The following PTK2B variants were observed in gnomAD, a reference collection of about 807,000 sequenced individuals.
The protein encoded by PTK2B is protein tyrosine kinase 2 beta.
PTK2B carries 71 observed loss-of-function variants against 142.9 expected under a neutral mutation model. That is an observed-to-expected ratio of 0.50 (90% CI 0.41 to 0.61). The LOEUF (loss-of-function observed/expected upper bound fraction) is 0.61, where lower values mean the gene tolerates loss of function less well. PTK2B is among the 20% of genes least tolerant of loss of function. The pLI, the probability that PTK2B is intolerant of heterozygous loss-of-function variation, is 0.00. For missense variants in PTK2B, 1,105 were observed against 1,320.4 expected, an observed-to-expected ratio of 0.84 and a Z score of 2.53; for synonymous variants, 519 against 503.4, an observed-to-expected ratio of 1.03 and a Z score of -0.42.
chr8:27,439,220 C>T (rs1401601972), intron 19 of PTK2B, 89 bp downstream of exon 19: 39 of 1,564,590 alleles, frequency 2.5e-5, no homozygotes, highest in Non-Finnish European at 3.4e-5. Context: ...GTTGGACAGC[C>T]CAGGCTAAGG....
At chr8:27,394,081 A>G (rs542601559) in intron 1 of PTK2B, among the ~76,000 whole-genome samples, 1 of 152,158 alleles carries the variant, frequency 6.6e-6, no homozygotes, top group Non-Finnish European at 1.5e-5. Flanking sequence ...GCTCCTACAG[A>G]CCTGTACAGC....
intron 5 of PTK2B, among the ~76,000 whole-genome samples, chr8:27,428,614 G>A (rs754133018): frequency 1.3e-5 from 2 of 152,148 alleles, no homozygotes; most frequent in African/African-American, 4.8e-5. Flanking sequence ...AGGATTGGGG[G>A]TGGACTTCCT....
At chr8:27,428,797 A>T (rs192833381) in intron 5 of PTK2B, among the ~76,000 whole-genome samples, 1 of 152,348 alleles carries the variant, frequency 6.6e-6, no homozygotes, top group Admixed American at 6.5e-5. Context: ...TTAAGAGGTA[A>T]TTACTTATTT....
intron 2 of PTK2B, among the ~76,000 whole-genome samples, chr8:27,412,392 A>G (rs1809124025): frequency 6.6e-6 from 1 of 152,178 alleles, no homozygotes; most frequent in Non-Finnish European, 1.5e-5. Flanking sequence ...CCCACAGTGA[A>G]GGACAAAGGC....
intron 1 of PTK2B, among the ~76,000 whole-genome samples, chr8:27,346,044 A>G (rs1311332344): frequency 6.6e-6 from 1 of 152,148 alleles, no homozygotes; most frequent in Non-Finnish European, 1.5e-5. Context: ...TGTTTCTCCT[A>G]CTCAGATGTT....
chr8:27,434,611 G>T (rs1312899362), intron 13 of PTK2B, 52 bp downstream of exon 13: 2 of 1,552,928 alleles, frequency 1.3e-6, no homozygotes, highest in Non-Finnish European at 1.8e-6. Context: ...CCGTCTGCTT[G>T]CTCCCCACTG....
At chr8:27,371,545 T>TTATA (rs148359194) in intron 1 of PTK2B, among the ~76,000 whole-genome samples, 50,846 of 147,236 alleles carry the variant, frequency 0.35, 9,296 homozygotes, top group South Asian at 0.49. Context: ...TTTTTATTAT[T>TTATA]TATATATATA....
chr8:27,430,850 C>A (rs757878488), intron 7 of PTK2B, 26 bp from the exon 8 acceptor site: 2 of 1,609,082 alleles, frequency 1.2e-6, no homozygotes, highest in Non-Finnish European at 8.5e-7. Context: ...GCAGGCATTG[C>A]TCACACGGCC....
chr8:27,358,253 A>G (rs1444619511), intron 1 of PTK2B, among the ~76,000 whole-genome samples: 1 of 152,196 alleles, frequency 6.6e-6, no homozygotes, highest in African/African-American at 2.4e-5. Flanking sequence ...AGTTGAGTTG[A>G]CTGCTACACA....
intron 3 of PTK2B, among the ~76,000 whole-genome samples, chr8:27,318,605 G>C (rs1331933336): frequency 6.6e-6 from 1 of 152,120 alleles, no homozygotes; most frequent in African/African-American, 2.4e-5. Flanking sequence ...TGTGTCCTCT[G>C]TGGCAACCAT....
chr8:27,375,555 AG>A (rs567333011), intron 1 of PTK2B, among the ~76,000 whole-genome samples: 57 of 152,326 alleles, frequency 3.7e-4, no homozygotes, highest in African/African-American at 1.3e-3. Flanking sequence ...AGGAACATCC[AG>A]GTCCTAGAAT....
intron 1 of PTK2B, among the ~76,000 whole-genome samples, chr8:27,361,491 T>C (rs891476060): frequency 2.0e-5 from 3 of 152,190 alleles, no homozygotes; most frequent in Non-Finnish European, 4.4e-5. Flanking sequence ...CCCAAAGTGC[T>C]GGGATTACAG....
At chr8:27,380,181 G>A (rs557457707) in intron 1 of PTK2B, among the ~76,000 whole-genome samples, 14 of 152,228 alleles carry the variant, frequency 9.2e-5, no homozygotes, top group East Asian at 7.7e-4. Context: ...TCGGGGTCAC[G>A]TCTTTCTCTG....
Position 27,454,109 on chromosome 8 carries a change from C to A in PTK2B, c.2596-45C>A, listed in dbSNP as rs376662112. ...TGCCCAGGAAAGAATCATTCCGTGC[C>A]CCTGGCTCTCCCCAACTCACTGGCC... is the stretch of plus-strand genomic sequence containing the variant. On this transcript the variant is annotated intron_variant, in intron 28 of 30. Coordinates refer to ENST00000346049, the MANE Select transcript of PTK2B (RefSeq NM_173176.3). 3.7e-5 allele frequency: 59 copies of A among 1,611,850 alleles called. 2 individuals are homozygous for A. The African/African-American group carries it at 5.5e-4, about 15-fold the overall frequency.
At chr8:27,322,618 C>T (rs141625859), upstream of PTK2B, 1,048 of 152,234 alleles carry the variant, frequency 6.9e-3, 20 homozygotes, top group African/African-American at 0.024. Context: ...CTTCACAATA[C>T]CCTGGGAAAC....
At chr8:27,313,226 C>T (rs1803023240) in exon 3 of PTK2B, 1 of 152,264 alleles carries the variant, frequency 6.6e-6, no homozygotes, top group Admixed American at 6.5e-5. Flanking sequence ...AGGTGTCTTG[C>T]TTCACCTTCA....
At position 27,445,887 on chromosome 8, in the gene PTK2B, C is replaced by T. The variant is rs762400845; in HGVS notation, c.2308C>T (p.Arg770Trp). ...CTCACTGCACACCCCACCTCTCCAC[C>T]GGCACAATGTCTTCAAACGCCACAG... ...VNSLHTPPLHRHNVFKRHSMR... is the reference protein window; with the variant it reads ...VNSLHTPPLHWHNVFKRHSMR... Residue 770 changes from arginine to tryptophan, a missense_variant, in exon 24 of 31, where the codon CGG becomes TGG. Arg to Trp is a moderately radical substitution (Grantham distance 101). Transcript: ENST00000346049. The T allele has an allele frequency of 6.8e-6, 11 of 1,613,904 alleles. No homozygotes were observed. Among genetic ancestry groups the T allele is most frequent in the Middle Eastern group, 1.6e-4 (1 of 6,084 alleles).
intron 1 of PTK2B, among the ~76,000 whole-genome samples, chr8:27,375,890 C>G (rs1806641058): frequency 6.6e-6 from 1 of 152,250 alleles, no homozygotes; most frequent in Non-Finnish European, 1.5e-5. Context: ...CCTTCATTCC[C>G]CTCACCAGGC....
At chr8:27,435,886 C>T (rs1393054505) in intron 14 of PTK2B, 93 bp downstream of exon 14, 1 of 1,406,334 alleles carries the variant, frequency 7.1e-7, no homozygotes, top group African/African-American at 1.4e-5. Flanking sequence ...ACATTCTTTT[C>T]CTCCTTTATC....
Sources: gnomAD v4.1 joint callset for allele counts (sites outside exome capture counted in the v4.1 genomes callset) on GRCh38, gnomAD v4.1.1 for gene constraint, MANE v1.5 for transcripts, NCBI Gene and HGNC (gene_info 2026-07-23, HGNC 2026-07-21) for gene names.